Variants in TIMM10B observed in about 807,000 individuals in gnomAD.
The protein encoded by TIMM10B is translocase of inner mitochondrial membrane 10B.
TIMM10B carries 17 observed loss-of-function variants against 12.6 expected under a neutral mutation model. The observed-to-expected ratio is 1.35, with a 90% CI of 0.92 to 2.03. The LOEUF (loss-of-function observed/expected upper bound fraction) is 2.03. Among genes scored for constraint, TIMM10B ranks in the 30% most tolerant of loss-of-function variants. TIMM10B has a pLI of 0.00. For synonymous variants in TIMM10B, 63 were observed against 51.3 expected, an observed-to-expected ratio of 1.23 and a Z score of -0.97; for missense variants, 165 against 133.3, an observed-to-expected ratio of 1.24 and a Z score of -1.17.
At position 6,482,074 on chromosome 11, in the gene TIMM10B, G is replaced by A; in HGVS notation, c.165G>A (p.Lys55=). ...CCTGTCTGCACAGCTGTGCTGGGAA[G>A]CTGATCCATTCCAACCACCGCCTCA... The part of the protein sequence containing the change: ...EEACLHSCAG[K]LIHSNHRLMA... The change falls in exon 3 of 3, where the codon AAG becomes AAA. Residue 55 remains lysine, a synonymous_variant. Transcript: ENST00000254616. 1 of 1,613,950 alleles carries A rather than the reference G, an allele frequency of 6.2e-7. No individual in the cohort carries two copies.
In TIMM10B at chr11:6,481,809, G is replaced by C; in HGVS notation, c.92G>C (p.Arg31Pro). The C allele has an allele frequency of 6.2e-7, 1 of 1,613,948 alleles. No individual in the cohort carries two copies. Among genetic ancestry groups the C allele is most frequent in the Non-Finnish European group, 8.5e-7 (1 of 1,180,024 alleles). The change falls in exon 2 of 3, where the codon CGC becomes CCC. Residue 31 changes from arginine (R) to proline (P), a missense_variant. By Grantham distance (103) the Arg-to-Pro change is moderately radical. Transcript: ENST00000254616. ...YNRMTELCFQ[R>P]CVPSLHHRAL... ...CGGATGACAGAACTCTGCTTCCAGC[G>C]CTGTGTGCCCAGCTTGCACCACCGA...
Position 6,481,513 on chromosome 11 carries a change from C to T in TIMM10B, c.-4C>T, listed in dbSNP as rs760987713. 16 of 1,612,688 alleles carry T rather than the reference C, an allele frequency of 9.9e-6. No homozygotes were observed. The highest frequency in any genetic ancestry group is 6.7e-5 in the East Asian group (3 of 44,874). On this transcript the variant is annotated 5_prime_UTR_variant, in exon 1 of 3. Coordinates refer to ENST00000254616, the MANE Select transcript of TIMM10B (RefSeq NM_012192.4). ...AGTGGCGTACGGCATGCGCCGGTGG[C>T]GTGATGGAGCGGCAGCAGCAGCAGC...
At chr11:6,481,673 G>A in intron 1 of TIMM10B, 84 bp from the exon 2 acceptor site, 2 of 1,598,112 alleles carry the variant, frequency 1.3e-6, no homozygotes, top group Non-Finnish European at 1.7e-6. Context: ...ATGGCGCGCG[G>A]GCCTGGGAAA....
At chr11:6,481,984 G>T in intron 2 of TIMM10B, 61 bp from the exon 3 acceptor site, 1 of 1,594,842 alleles carries the variant, frequency 6.3e-7, no homozygotes, top group Non-Finnish European at 8.6e-7. Flanking sequence ...GCATGGGGAA[G>T]AAAGGAGGCG....
chr11:6,482,371 C>A lies in TIMM10B; in HGVS notation c.*150C>A. Reference sequence around the variant, plus strand: ...CTCCTTTTCCTGGAGCCAATATACCCAGTTTTTACTCAGTTTGATTTATAT... The same window carrying A: ...CTCCTTTTCCTGGAGCCAATATACCAAGTTTTTACTCAGTTTGATTTATAT... On this transcript the variant is annotated 3_prime_UTR_variant, in exon 3 of 3. Transcript: ENST00000254616. The A allele has an allele frequency of 1.5e-6, 1 of 667,920 alleles. No homozygotes were observed. The highest frequency in any genetic ancestry group is 2.5e-6 in the Non-Finnish European group (1 of 401,998). 41.4% of individuals were successfully genotyped at this position (667,920 alleles called of 1,614,324 possible).
At position 6,482,557 on chromosome 11, in the gene TIMM10B, G is replaced by A. The variant is rs1851838227; in HGVS notation, c.*336G>A. On this transcript the variant is annotated 3_prime_UTR_variant, in exon 3 of 3. Coordinates refer to ENST00000254616, the MANE Select transcript of TIMM10B (RefSeq NM_012192.4). ...CATCTGGTTAAAGCAGGGTCTGTGT[G>A]TACAATTTTAAAACGGGTAATATGT... The A allele has an allele frequency of 1.5e-5, 4 of 261,800 alleles. No homozygotes were observed. Among genetic ancestry groups the A allele is most frequent in the Admixed American group, 4.6e-5 (1 of 21,526 alleles). The allele number at this position is 261,800 out of a possible 1,614,324, so 16.2% of individuals were successfully genotyped here. A position where few individuals can be genotyped will look rare whatever the true frequency, so the allele number is the denominator to read the frequency against.
rs1183243205 is a variant in TIMM10B, at chr11:6,483,576, A to T, written c.*1355A>T. On this transcript the variant is annotated 3_prime_UTR_variant, in exon 3 of 3. Transcript: ENST00000254616. ...ACCTCAGCCAAGTCCTCACACCAAC[A>T]CGCAGTCACACCAACACACACCTTT... 1 of 152,336 alleles carries T rather than the reference A, an allele frequency of 6.6e-6. No individual in the cohort carries two copies. Among genetic ancestry groups the T allele is most frequent in the Non-Finnish European group, 1.5e-5 (1 of 68,040 alleles). 9.4% of individuals were successfully genotyped at this position (152,336 alleles called of 1,614,324 possible). A position where few individuals can be genotyped will look rare whatever the true frequency, so the allele number is the denominator to read the frequency against.
Position 6,482,294 on chromosome 11 carries a change from G to C in TIMM10B, c.*73G>C. ...AAGGACCCGGTGGACCTTGGGGTTG[G>C]TGAATCCTAAACAGAGAGAATTCGA... On this transcript the variant is annotated 3_prime_UTR_variant, in exon 3 of 3. Coordinates refer to ENST00000254616, the MANE Select transcript of TIMM10B (RefSeq NM_012192.4). 1 of 1,428,544 alleles carries C rather than the reference G, an allele frequency of 7.0e-7. No individual in the cohort carries two copies. Among genetic ancestry groups the C allele is most frequent in the South Asian group, 1.3e-5 (1 of 79,234 alleles). The allele number at this position is 1,428,544 out of a possible 1,614,324, so 88.5% of individuals were successfully genotyped here. A position where few individuals can be genotyped will look rare whatever the true frequency, so the allele number is the denominator to read the frequency against.
Position 6,481,522 on chromosome 11 carries a change from G to A in TIMM10B, c.6G>A (p.Glu2=). The A allele has an allele frequency of 6.2e-7, 1 of 1,612,506 alleles. No individual in the cohort carries two copies. The highest frequency in any genetic ancestry group is 1.1e-5 in the South Asian group (1 of 90,792). M[E]RQQQQQQQLR... ...CGGCATGCGCCGGTGGCGTGATGGA[G>A]CGGCAGCAGCAGCAGCAACAGCAAC... The change falls in exon 1 of 3, where the codon GAG becomes GAA. Residue 2 remains glutamate (E), a synonymous_variant. Transcript: ENST00000254616.
intron 2 of TIMM10B, 60 bp from the exon 3 acceptor site, chr11:6,481,981 GAAGA>G: frequency 1.3e-6 from 2 of 1,594,830 alleles, no homozygotes; most frequent in Non-Finnish European, 1.7e-6. Context: ...TGGGCATGGG[GAAGA>G]AAGGAGGCGG....
chr11:6,481,796 C>T lies in TIMM10B; in HGVS notation c.79C>T (p.Leu27Phe), dbSNP rs1382726358. 1 of 1,614,154 alleles carries T rather than the reference C, an allele frequency of 6.2e-7. No homozygotes were observed. The highest frequency in any genetic ancestry group is 1.1e-5 in the South Asian group (1 of 91,084). ...FLLVYNRMTE[L>F]CFQRCVPSLH... The stretch of plus-strand genomic sequence containing the variant: ...GTTGGTCTACAATCGGATGACAGAA[C>T]TCTGCTTCCAGCGCTGTGTGCCCAG... Residue 27 changes from leucine (L) to phenylalanine (F), a missense_variant, in exon 2 of 3, where the codon CTC becomes TTC. Coordinates refer to ENST00000254616, the MANE Select transcript of TIMM10B (RefSeq NM_012192.4).
rs749625432 is a variant in TIMM10B, at chr11:6,482,029, C to A, written c.136-16C>A. 2 of 1,608,446 alleles carry A rather than the reference C, an allele frequency of 1.2e-6. No homozygotes were observed. Among genetic ancestry groups the A allele is most frequent in the Non-Finnish European group, 1.7e-6 (2 of 1,175,668 alleles). On this transcript the variant is annotated splice_polypyrimidine_tract_variant and intron_variant, in intron 2 of 2. Transcript: ENST00000254616. ...GGGCACCTTTATCCTCCACTTAAAC[C>A]CTATCTTCCTTCTAGGAGGCCTGTC...
At chr11:6,481,617 G>C in intron 1 of TIMM10B, 62 bp downstream of exon 1, 3 of 1,573,480 alleles carry the variant, frequency 1.9e-6, no homozygotes, top group Admixed American at 1.9e-5. Flanking sequence ...CACACATCGC[G>C]GGAACCCCAC....
rs1263546948 is a variant in TIMM10B, at chr11:6,483,689, A to G, written c.*1468A>G. On this transcript the variant is annotated 3_prime_UTR_variant, in exon 3 of 3. Coordinates refer to ENST00000254616, the MANE Select transcript of TIMM10B (RefSeq NM_012192.4). Reference sequence around the variant, plus strand: ...GTCCTTAATCCCATACCCCACCCTCATCAGGTGACCCTGTTTCCTTTTTTA... The same window carrying G: ...GTCCTTAATCCCATACCCCACCCTCGTCAGGTGACCCTGTTTCCTTTTTTA... 1 of 152,184 alleles carries G rather than the reference A, an allele frequency of 6.6e-6. No individual in the cohort carries two copies. Among genetic ancestry groups the G allele is most frequent in the Non-Finnish European group, 1.5e-5 (1 of 68,024 alleles). The allele number at this position is 152,184 out of a possible 1,614,324, so 9.4% of individuals were successfully genotyped here. A position where few individuals can be genotyped will look rare whatever the true frequency, so the allele number is the denominator to read the frequency against.
chr11:6,482,493 GT>G lies in TIMM10B; in HGVS notation c.*276del. On this transcript the variant is annotated 3_prime_UTR_variant, in exon 3 of 3. Transcript: ENST00000254616. ...CTTCAGCCCTGGCAGCTGAGAAATT[GT>G]TTTCTATATGTAGAAGGAAAACCTG... The G allele has an allele frequency of 2.4e-6, 1 of 420,090 alleles. No individual in the cohort carries two copies. Among genetic ancestry groups the G allele is most frequent in the South Asian group, 4.0e-5 (1 of 24,814 alleles). 26.0% of individuals were successfully genotyped at this position (420,090 alleles called of 1,614,324 possible).
intron 2 of TIMM10B, 29 bp from the exon 3 acceptor site, chr11:6,482,016 C>T (rs781233924): frequency 3.1e-6 from 5 of 1,602,682 alleles, no homozygotes; most frequent in Non-Finnish European, 4.3e-6. Context: ...GCACCTTTAT[C>T]CTCCACTTAA....
At position 6,481,556 on chromosome 11, in the gene TIMM10B, G is replaced by GT; in HGVS notation, c.39+2dup. 8 of 1,607,158 alleles carry GT rather than the reference G, an allele frequency of 5.0e-6. No homozygotes were observed. The highest frequency in any genetic ancestry group is 2.7e-5 in the African/African-American group (2 of 74,786). ...GCAGCAGCAACAGCAACTGCGAAACGTAAGTGAGAACTAAGTCGTTTCGAG... is the reference window on the plus strand; with the variant it reads ...GCAGCAGCAACAGCAACTGCGAAACGTTAAGTGAGAACTAAGTCGTTTCGAG... On this transcript the variant is annotated splice_donor_variant, in intron 1 of 2. Coordinates refer to ENST00000254616, the MANE Select transcript of TIMM10B (RefSeq NM_012192.4). LOFTEE classifies it high-confidence loss of function.
rs1422750732 is a variant in TIMM10B at position 6,483,571 on chromosome 11, CCAA to C, written c.*1353_*1355del. On this transcript the variant is annotated 3_prime_UTR_variant, in exon 3 of 3. Coordinates refer to ENST00000254616, the MANE Select transcript of TIMM10B (RefSeq NM_012192.4). ...CTCCAACCTCAGCCAAGTCCTCACA[CCAA>C]CACGCAGTCACACCAACACACACCT... is the stretch of plus-strand genomic sequence containing the variant. 6.6e-6 allele frequency: 1 copy of C among 152,432 alleles called. No homozygotes were observed. Among genetic ancestry groups the C allele is most frequent in the African/African-American group, 2.4e-5 (1 of 41,434 alleles). 9.4% of individuals were successfully genotyped at this position (152,432 alleles called of 1,614,324 possible).
rs892434374 is a variant in TIMM10B, at chr11:6,483,270, T to C, written c.*1049T>C. The C allele has an allele frequency of 6.6e-6, 1 of 152,234 alleles. No homozygotes were observed. Among genetic ancestry groups the C allele is most frequent in the Non-Finnish European group, 1.5e-5 (1 of 68,036 alleles). The allele number at this position is 152,234 out of a possible 1,614,324, so 9.4% of individuals were successfully genotyped here. A position where few individuals can be genotyped will look rare whatever the true frequency, so the allele number is the denominator to read the frequency against. ...CTAGAAACTCCTAAATCCAGCTTTC[T>C]ATCATCTGCCCCACATTGGTCCCAT... On this transcript the variant is annotated 3_prime_UTR_variant, in exon 3 of 3. Transcript: ENST00000254616.
Sources: allele counts gnomAD v4.1 joint callset, GRCh38; gene constraint gnomAD v4.1.1; transcripts MANE v1.5; gene names NCBI Gene and HGNC (gene_info 2026-07-23, HGNC 2026-07-21).